Variants in KATNAL2 observed in about 807,000 individuals in gnomAD.
KATNAL2 encodes the protein katanin p60 ATPase-containing subunit A-like 2.
In KATNAL2, 52 loss-of-function variants were observed where a neutral mutation model predicts 76.3. The observed-to-expected ratio is 0.68, with a 90% CI of 0.55 to 0.86. KATNAL2 has a LOEUF of 0.86. Among genes scored for constraint, KATNAL2 ranks in the 40% least tolerant of loss-of-function variants. The probability of loss-of-function intolerance (pLI) is 0.00; values close to 1 mark genes in which losing one functional copy is unlikely to be tolerated. For synonymous variants in KATNAL2, 243 were observed against 244.2 expected (o/e 1.00, Z 0.05); for missense variants, 660 against 668.9 (o/e 0.99, Z 0.15).
At chr18:47,082,008 GA>G (rs1336395096) in intron 15 of KATNAL2, among the ~76,000 whole-genome samples, 2 of 152,064 alleles carry the variant, frequency 1.3e-5, no homozygotes, top group Non-Finnish European at 2.9e-5. Context: ...CTCTAATAGT[GA>G]AAATCTCAGT....
At chr18:47,031,569 T>A (rs2060447034) in intron 3 of KATNAL2, among the ~76,000 whole-genome samples, 2 of 152,068 alleles carry the variant, frequency 1.3e-5, no homozygotes, top group Non-Finnish European at 2.9e-5. Context: ...ATAGGTAAAT[T>A]TGCTGTGTTT....
At chr18:46,924,925 T>C (rs1276306817) in intron 1 of KATNAL2, among the ~76,000 whole-genome samples, 3 of 152,230 alleles carry the variant, frequency 2.0e-5, no homozygotes, top group Non-Finnish European at 4.4e-5. Flanking sequence ...TTTTTGTACA[T>C]TGATTTTGTA....
At position 46,941,679 on chromosome 18, in the gene KATNAL2, A is replaced by C. The variant is rs563070612; in HGVS notation, c.-509-4378A>C. 2.0e-5 allele frequency among the ~76,000 whole-genome samples: 3 copies of C among 152,276 alleles called. No homozygotes were observed. The East Asian group carries it at 5.8e-4, about 29-fold the overall frequency. On this transcript the variant is annotated intron_variant, in intron 1 of 17. Coordinates refer to ENST00000683218, the MANE Select transcript of KATNAL2 (RefSeq NM_001387690.1). ...AGGTGTGTAAATAATTTCTTCAAAAAAAGTGCTGCTTTCTTCCATTTTGGA... is the reference window on the plus strand; with the variant it reads ...AGGTGTGTAAATAATTTCTTCAAAACAAGTGCTGCTTTCTTCCATTTTGGA...
At chr18:47,065,531 T>C (rs2061764351) in intron 10 of KATNAL2, among the ~76,000 whole-genome samples, 1 of 152,076 alleles carries the variant, frequency 6.6e-6, no homozygotes, top group African/African-American at 2.4e-5. Context: ...TAGCTAGGCA[T>C]GGTGGCATGT....
rs371480445 is a variant in KATNAL2 at position 47,063,264 on chromosome 18, C to G, written c.649-20C>G. On this transcript the variant is annotated intron_variant, in intron 9 of 17. Coordinates refer to ENST00000683218, the MANE Select transcript of KATNAL2 (RefSeq NM_001387690.1). Reference sequence around the variant, plus strand: ...TATGAAGCAATATTGTAATGTGAGCCTTTCCGCTCCTCTCATCAGGAACGA... The same window carrying G: ...TATGAAGCAATATTGTAATGTGAGCGTTTCCGCTCCTCTCATCAGGAACGA... 16 of 1,610,762 alleles carry G rather than the reference C, an allele frequency of 9.9e-6. No homozygotes were observed. Among genetic ancestry groups the G allele is most frequent in the Non-Finnish European group, 1.4e-5 (16 of 1,177,948 alleles).
At chr18:47,061,466 TGA>T (rs2061629327) in intron 8 of KATNAL2, among the ~76,000 whole-genome samples, 1 of 152,184 alleles carries the variant, frequency 6.6e-6, no homozygotes, top group South Asian at 2.1e-4. Context: ...AAGCCTTTCA[TGA>T]GAGTTCCTCC....
intron 4 of KATNAL2, among the ~76,000 whole-genome samples, chr18:47,048,044 A>G (rs1321459354): frequency 1.3e-5 from 2 of 152,074 alleles, no homozygotes; most frequent in East Asian, 1.9e-4. Context: ...TCCTTGGGAG[A>G]TATTTGGCAC....
chr18:47,035,260 G>A (rs1436684834), intron 3 of KATNAL2: 4 of 1,612,680 alleles, frequency 2.5e-6, no homozygotes, highest in Admixed American at 1.7e-5. Flanking sequence ...GGACCCTGCC[G>A]CCATCTCACC....
rs1161903395 is a variant in KATNAL2 at position 46,957,553 on chromosome 18, C to CCTTT, written c.51+10630_51+10631insCTTT. On this transcript the variant is annotated intron_variant, in intron 3 of 17. Transcript: ENST00000683218. ...ACAGGCGTGAACCACCGCGCCTGGC[C>CCTTT]TTTTTTTTTTTTTTTTTTTTTTTTT... 3.1e-4 allele frequency among the ~76,000 whole-genome samples: 19 copies of CCTTT among 60,528 alleles called. 7 individuals carry two copies. Among genetic ancestry groups the CCTTT allele is most frequent in the Non-Finnish European group, 3.1e-4 (10 of 32,084 alleles). 39.7% of individuals were successfully genotyped at this position (60,528 alleles called of 152,430 possible).
intron 3 of KATNAL2, chr18:47,034,421 C>A: frequency 6.2e-7 from 1 of 1,614,100 alleles, no homozygotes; most frequent in African/African-American, 1.3e-5. Flanking sequence ...CCTTCCTTGT[C>A]TGTCTTGAAG....
At chr18:46,931,752 G>A (rs2058931002) in intron 1 of KATNAL2, among the ~76,000 whole-genome samples, 2 of 150,386 alleles carry the variant, frequency 1.3e-5, no homozygotes, top group African/African-American at 2.4e-5. Flanking sequence ...GGGGAGGGAG[G>A]AAATAAAGGT....
At chr18:46,918,869 C>T (rs1222891853) in intron 1 of KATNAL2, among the ~76,000 whole-genome samples, 1 of 152,120 alleles carries the variant, frequency 6.6e-6, no homozygotes, top group Non-Finnish European at 1.5e-5. Context: ...CCACATCCCA[C>T]ATTTTAATTC....
chr18:47,042,530 CATAAG>C (rs986558199), intron 3 of KATNAL2, among the ~76,000 whole-genome samples: 2 of 152,020 alleles, frequency 1.3e-5, no homozygotes, highest in African/African-American at 4.8e-5. Flanking sequence ...GACTTTAAAT[CATAAG>C]ATAATACTCT....
intron 3 of KATNAL2, among the ~76,000 whole-genome samples, chr18:47,025,356 G>T (rs1424688681): frequency 8.6e-5 from 11 of 127,448 alleles, no homozygotes; most frequent in Non-Finnish European, 1.0e-4. Flanking sequence ...CACGGTTTGG[G>T]CAGCCGAGTT....
intron 1 of KATNAL2, among the ~76,000 whole-genome samples, chr18:46,930,957 G>C (rs2058891595): frequency 6.6e-6 from 1 of 151,888 alleles, no homozygotes; most frequent in Admixed American, 6.6e-5. Flanking sequence ...AAACAAATTA[G>C]CCAGGCATGG....
At chr18:47,060,966 T>C (rs904342013) in intron 8 of KATNAL2, among the ~76,000 whole-genome samples, 5 of 152,248 alleles carry the variant, frequency 3.3e-5, no homozygotes, top group African/African-American at 1.2e-4. Flanking sequence ...ATGTTTTTGA[T>C]TGGGTCACAA....
At chr18:47,071,953 C>CAT (rs2062020246) in intron 13 of KATNAL2, among the ~76,000 whole-genome samples, 8 of 43,950 alleles carry the variant, frequency 1.8e-4, no homozygotes, top group Non-Finnish European at 2.2e-4. Flanking sequence ...CCAATTTCTT[C>CAT]TTTTTTTTTT....
At chr18:46,933,370 G>A (rs1035958532) in intron 1 of KATNAL2, among the ~76,000 whole-genome samples, 1 of 152,148 alleles carries the variant, frequency 6.6e-6, no homozygotes, top group South Asian at 2.1e-4. Context: ...AAGAGAAAAA[G>A]AAATCTAAAT....
At chr18:47,089,911 T>A (rs543599064) in intron 15 of KATNAL2, among the ~76,000 whole-genome samples, 148 of 150,730 alleles carry the variant, frequency 9.8e-4, no homozygotes, top group Admixed American at 3.3e-3. Flanking sequence ...GTATTTCTTT[T>A]AAAAAAAAAA....
Sources: allele counts gnomAD v4.1 joint callset (sites outside exome capture counted in the v4.1 genomes callset), GRCh38; gene constraint gnomAD v4.1.1; transcripts MANE v1.5; gene names NCBI Gene and HGNC (gene_info 2026-07-23, HGNC 2026-07-21).